The following SPMIP8 variants were observed in gnomAD, a reference collection of about 807,000 sequenced individuals.
The protein encoded by SPMIP8 is testicular tissue protein Li 196.
chr16:57,984,405 A>T, the SPMIP8 span: 1 of 1,605,196 alleles, frequency 6.2e-7, no homozygotes. Flanking sequence ...GCTAAGGGGC[A>T]CCAGCCCCAA....
the SPMIP8 span, chr16:57,985,545 CT>C: frequency 6.3e-7 from 1 of 1,595,460 alleles, no homozygotes; most frequent in African/African-American, 1.4e-5. Context: ...TTTCGACTCC[CT>C]GTAAGTGACG....
chr16:57,979,967 G>A, the SPMIP8 span, among the ~76,000 whole-genome samples: 1 of 152,186 alleles, frequency 6.6e-6, no homozygotes, highest in African/African-American at 2.4e-5. Flanking sequence ...CCCAGGCTGA[G>A]GCAGGAGAAT....
At chr16:57,984,780 G>A in the SPMIP8 span, 23 of 1,609,030 alleles carry the variant, frequency 1.4e-5, no homozygotes, top group Non-Finnish European at 1.9e-5. Context: ...CTCGGCCGGG[G>A]AGTTCAAGCT....
chr16:57,987,169 A>G, the SPMIP8 span: 2 of 425,898 alleles, frequency 4.7e-6, no homozygotes, highest in Non-Finnish European at 8.3e-6. Flanking sequence ...AGCTGTTCAT[A>G]GTTAGGTATC....
chr16:57,981,419 T>A, the SPMIP8 span, among the ~76,000 whole-genome samples: 2 of 140,186 alleles, frequency 1.4e-5, no homozygotes, highest in African/African-American at 5.3e-5. Flanking sequence ...TAATAATTAT[T>A]ATTATTATTA....
the SPMIP8 span, chr16:57,984,346 C>G: frequency 6.2e-7 from 1 of 1,614,258 alleles, no homozygotes; most frequent in Non-Finnish European, 8.5e-7. Context: ...GGGTCCCCAA[C>G]AAACCCCTGC....
At chr16:57,976,669 C>G in the SPMIP8 span, 16 of 1,608,130 alleles carry the variant, frequency 9.9e-6, no homozygotes, top group South Asian at 1.3e-4. Flanking sequence ...GCTCTCTTCC[C>G]CATATCCGTG....
the SPMIP8 span, chr16:57,985,308 CG>C: frequency 1.4e-6 from 2 of 1,464,626 alleles, no homozygotes; most frequent in Non-Finnish European, 1.8e-6. Flanking sequence ...GAGCGGGGAG[CG>C]GGGGTCCTGG....
At chr16:57,984,267 GGA>G in the SPMIP8 span, 1 of 1,610,652 alleles carries the variant, frequency 6.2e-7, no homozygotes, top group East Asian at 2.2e-5. Flanking sequence ...CACTGGTGAA[GGA>G]GACACCTCTT....
the SPMIP8 span, among the ~76,000 whole-genome samples, chr16:57,977,619 T>C: frequency 6.8e-6 from 1 of 147,260 alleles, no homozygotes; most frequent in Admixed American, 6.8e-5. Context: ...GGGAGGGTTG[T>C]CTCTGTTATC....
chr16:57,987,974 G>T, the SPMIP8 span: 1 of 152,732 alleles, frequency 6.5e-6, no homozygotes, highest in Middle Eastern at 3.1e-3. Context: ...GGGGCAAGGG[G>T]AGCTGGCCAG....
the SPMIP8 span, chr16:57,984,809 A>C: frequency 6.2e-7 from 1 of 1,604,158 alleles, no homozygotes. Context: ...TGAGGAAGCG[A>C]GGTCAGTCTA....
At chr16:57,977,985 G>GTCA in the SPMIP8 span, 1 of 1,614,128 alleles carries the variant, frequency 6.2e-7, no homozygotes, top group South Asian at 1.1e-5. Context: ...CAGGGACACC[G>GTCA]TCAAGGCCTG....
At chr16:57,981,165 G>T in the SPMIP8 span, among the ~76,000 whole-genome samples, 1 of 151,912 alleles carries the variant, frequency 6.6e-6, no homozygotes, top group Non-Finnish European at 1.5e-5. Context: ...TGGATCGCCT[G>T]AGGTCAGGAG....
At chr16:57,977,505 C>T in the SPMIP8 span, among the ~76,000 whole-genome samples, 2 of 151,670 alleles carry the variant, frequency 1.3e-5, no homozygotes, top group African/African-American at 4.8e-5. Context: ...TAACCCCAGC[C>T]TCCCCAGAAA....
At chr16:57,981,413 AATTATTATTATTATTATT>A in the SPMIP8 span, among the ~76,000 whole-genome samples, 1 of 137,476 alleles carries the variant, frequency 7.3e-6, no homozygotes, top group African/African-American at 2.8e-5. Context: ...TTATAATAAT[AATTATTATTATTATTATT>A]ATAATTTGGT....
At chr16:57,984,839 C>A in the SPMIP8 span, 1 of 1,567,006 alleles carries the variant, frequency 6.4e-7, no homozygotes, top group Non-Finnish European at 8.7e-7. Context: ...GAAGGAACTG[C>A]CGGGCAGGTG....
chr16:57,980,377 A>G, the SPMIP8 span, among the ~76,000 whole-genome samples: 1 of 152,242 alleles, frequency 6.6e-6, no homozygotes, highest in South Asian at 2.1e-4. Context: ...CTTTAAATGT[A>G]TTACAATTAG....
chr16:57,985,846 G>A, the SPMIP8 span: 1 of 1,553,858 alleles, frequency 6.4e-7, no homozygotes, highest in Non-Finnish European at 8.7e-7. Context: ...CCGAGGTCGA[G>A]TGAGGCGCCC....
Sources: gnomAD v4.1 joint callset for allele counts (sites outside exome capture counted in the v4.1 genomes callset) on GRCh38, gnomAD v4.1.1 for gene constraint, MANE v1.5 for transcripts, NCBI Gene and HGNC (gene_info 2026-07-23, HGNC 2026-07-21) for gene names.